Variants in C10orf143 observed in about 807,000 individuals in gnomAD.
C10orf143 encodes uncharacterized protein C10orf143.
chr10:130,059,947 G>A (rs534838697), downstream of C10orf143, among the ~76,000 whole-genome samples: 9 of 152,302 alleles, frequency 5.9e-5, no homozygotes, highest in South Asian at 1.7e-3. Context: ...TAGGAGTGAC[G>A]ACTGTATTGT....
intron 1 of C10orf143, chr10:130,108,015 T>G (rs556806496): frequency 5.3e-6 from 8 of 1,512,576 alleles, no homozygotes; most frequent in Middle Eastern, 1.7e-4. Flanking sequence ...CCTTCAGAAA[T>G]GGAATCCAGT....
downstream of C10orf143, among the ~76,000 whole-genome samples, chr10:130,061,502 G>A (rs1860857309): frequency 6.6e-6 from 1 of 152,142 alleles, no homozygotes; most frequent in African/African-American, 2.4e-5. Flanking sequence ...CTTACTTTGT[G>A]AAATTATTAA....
chr10:130,044,674 G>A (rs911650810), intron 3 of C10orf143, among the ~76,000 whole-genome samples: 9 of 152,166 alleles, frequency 5.9e-5, no homozygotes, highest in African/African-American at 2.2e-4. Context: ...CTGATGGAAG[G>A]GGTGCGTGCA....
chr10:130,106,615 C>T (rs767028483), intron 1 of C10orf143: 8 of 1,361,560 alleles, frequency 5.9e-6, no homozygotes, highest in Non-Finnish European at 8.4e-6. Context: ...TAGCTGAAGC[C>T]AAAATGATCT....
chr10:130,069,888 C>T (rs1187644898), intron 3 of C10orf143, among the ~76,000 whole-genome samples: 1 of 151,458 alleles, frequency 6.6e-6, no homozygotes, highest in Non-Finnish European at 1.5e-5. Context: ...ATTATGCCAG[C>T]TAGGAGCCCT....
intron 1 of C10orf143, among the ~76,000 whole-genome samples, chr10:130,100,509 ACT>A (rs950488259): frequency 2.6e-5 from 4 of 152,050 alleles, no homozygotes; most frequent in African/African-American, 9.7e-5. Context: ...AGAGAGGGAG[ACT>A]CTGTCTCAAA....
chr10:130,050,168 A>G (rs1860720434), intron 3 of C10orf143, among the ~76,000 whole-genome samples: 1 of 152,270 alleles, frequency 6.6e-6, no homozygotes, highest in African/African-American at 2.4e-5. Flanking sequence ...CTGCAGGCGC[A>G]TGACTGAGAA....
At chr10:130,062,411 AG>A (rs1371578980), downstream of C10orf143, among the ~76,000 whole-genome samples, 2 of 152,186 alleles carry the variant, frequency 1.3e-5, no homozygotes, top group Non-Finnish European at 2.9e-5. Flanking sequence ...CCATCTAATC[AG>A]CTGCCAGCTT....
intron 3 of C10orf143, among the ~76,000 whole-genome samples, chr10:130,075,639 T>C (rs1326070496): frequency 6.6e-6 from 1 of 152,142 alleles, no homozygotes; most frequent in Non-Finnish European, 1.5e-5. Flanking sequence ...CACCCAAATC[T>C]CATCTGGAAT....
intron 3 of C10orf143, among the ~76,000 whole-genome samples, chr10:130,044,069 A>G (rs529931765): frequency 1.3e-5 from 2 of 152,122 alleles, no homozygotes; most frequent in East Asian, 3.9e-4. Flanking sequence ...GATGGTAAAG[A>G]AGGAGAAGAC....
intron 3 of C10orf143, among the ~76,000 whole-genome samples, chr10:130,044,311 A>G (rs1860640470): frequency 6.6e-6 from 1 of 152,090 alleles, no homozygotes; most frequent in Non-Finnish European, 1.5e-5. Flanking sequence ...CCTGTGACTT[A>G]AGAAATAGGA....
chr10:130,084,268 T>TGCAC (rs1424003619), intron 1 of C10orf143, among the ~76,000 whole-genome samples: 1 of 151,938 alleles, frequency 6.6e-6, no homozygotes, highest in Non-Finnish European at 1.5e-5. Flanking sequence ...GAGCCAAGAT[T>TGCAC]GCACCACTGC....
chr10:130,110,477 C>A (rs1376405082), intron 1 of C10orf143, among the ~76,000 whole-genome samples: 1 of 152,258 alleles, frequency 6.6e-6, no homozygotes, highest in Non-Finnish European at 1.5e-5. Context: ...CCGAGCTCCG[C>A]GCCCGACCGC....
chr10:130,099,482 T>C (rs967577036), intron 1 of C10orf143, among the ~76,000 whole-genome samples: 2 of 152,040 alleles, frequency 1.3e-5, no homozygotes, highest in African/African-American at 2.4e-5. Context: ...AAAACAAAGA[T>C]ATTTAACTCT....
At chr10:130,044,376 C>T (rs1000781438) in intron 3 of C10orf143, among the ~76,000 whole-genome samples, 4 of 152,122 alleles carry the variant, frequency 2.6e-5, no homozygotes, top group African/African-American at 7.2e-5. Flanking sequence ...CACCCCATGA[C>T]GCCTCCTCCA....
intron 1 of C10orf143, among the ~76,000 whole-genome samples, chr10:130,085,886 G>A (rs1269390659): frequency 1.3e-5 from 2 of 151,970 alleles, no homozygotes; most frequent in Non-Finnish European, 2.9e-5. Flanking sequence ...ATTCTCCTTT[G>A]AGCAACATAA....
At chr10:130,108,246 C>T in intron 1 of C10orf143, 1 of 1,557,096 alleles carries the variant, frequency 6.4e-7, no homozygotes, top group Non-Finnish European at 8.9e-7. Flanking sequence ...GATTATTTTC[C>T]ACCAGGGGAT....
chr10:130,092,825 C>A (rs1288369412), intron 1 of C10orf143, among the ~76,000 whole-genome samples: 1 of 152,066 alleles, frequency 6.6e-6, no homozygotes, highest in East Asian at 1.9e-4. Context: ...CAAAGAAGGG[C>A]ATTACATAAT....
intron 3 of C10orf143, among the ~76,000 whole-genome samples, chr10:130,072,833 T>A (rs971795328): frequency 7.2e-5 from 11 of 152,238 alleles, no homozygotes; most frequent in African/African-American, 2.7e-4. Flanking sequence ...ACACCTTAAT[T>A]TAAAAATACT....
Sources: gnomAD v4.1 joint callset for allele counts (sites outside exome capture counted in the v4.1 genomes callset) on GRCh38, gnomAD v4.1.1 for gene constraint, MANE v1.5 for transcripts, NCBI Gene and HGNC (gene_info 2026-07-23, HGNC 2026-07-21) for gene names.